Variants in CTNNA2 observed in about 807,000 individuals in gnomAD.
The protein encoded by CTNNA2 is catenin alpha-2.
A neutral mutation model predicts 101.0 loss-of-function variants in CTNNA2; 42 were observed. The ratio of observed to expected loss-of-function variants is 0.42; its 90% CI spans 0.32 to 0.54. The LOEUF (loss-of-function observed/expected upper bound fraction) is 0.54. CTNNA2 is among the 20% of genes least tolerant of loss of function. The pLI, the probability that CTNNA2 is intolerant of heterozygous loss-of-function variation, is 0.14. For synonymous variants in CTNNA2, 450 were observed against 456.4 expected, an observed-to-expected ratio of 0.99 and a Z score of 0.18; for missense variants, 871 against 1,223.1, an observed-to-expected ratio of 0.71 and a Z score of 4.29.
At chr2:79,757,040 T>A (rs745415930) in intron 3 of CTNNA2, among the ~76,000 whole-genome samples, 5 of 152,222 alleles carry the variant, frequency 3.3e-5, no homozygotes, top group Non-Finnish European at 7.3e-5. Context: ...AATTGCCTTA[T>A]AACTCAGTAA....
chr2:80,402,906 T>C (rs1678695108), intron 8 of CTNNA2, among the ~76,000 whole-genome samples: 2 of 151,598 alleles, frequency 1.3e-5, no homozygotes, highest in African/African-American at 4.8e-5. Flanking sequence ...CTGCTTCTTA[T>C]TGTAGGGCTT....
chr2:79,676,606 G>C (rs1416475364), intron 2 of CTNNA2, among the ~76,000 whole-genome samples: 4 of 152,092 alleles, frequency 2.6e-5, no homozygotes, highest in Non-Finnish European at 5.9e-5. Flanking sequence ...TGAATACTCT[G>C]TCCAGATGCC....
At chr2:80,469,943 T>G (rs1048078313) in intron 9 of CTNNA2, among the ~76,000 whole-genome samples, 6 of 152,176 alleles carry the variant, frequency 3.9e-5, no homozygotes, top group African/African-American at 1.4e-4. Context: ...AAGGTCCCAC[T>G]TTTTAGAATG....
intron 1 of CTNNA2, among the ~76,000 whole-genome samples, chr2:79,528,635 T>G: frequency 6.6e-6 from 1 of 152,284 alleles, no homozygotes; most frequent in Non-Finnish European, 1.5e-5. Context: ...ATTTGGAATG[T>G]AGAAATTACT....
At chr2:80,523,839 T>G (rs1689789744) in intron 9 of CTNNA2, among the ~76,000 whole-genome samples, 1 of 152,192 alleles carries the variant, frequency 6.6e-6, no homozygotes, top group Non-Finnish European at 1.5e-5. Flanking sequence ...TACAAATTCT[T>G]TACACTAATG....
intron 9 of CTNNA2, among the ~76,000 whole-genome samples, chr2:80,484,348 T>G (rs1573003685): frequency 6.6e-6 from 1 of 152,116 alleles, no homozygotes; most frequent in African/African-American, 2.4e-5. Context: ...CGATACATAG[T>G]GTGTGTGCAT....
At chr2:79,827,598 C>T (rs75202395) in intron 3 of CTNNA2, among the ~76,000 whole-genome samples, 2,152 of 152,278 alleles carry the variant, frequency 0.014, 34 homozygotes, top group East Asian at 0.04. Flanking sequence ...GAGACAGCTG[C>T]AGCCAGAAAT....
intron 7 of CTNNA2, among the ~76,000 whole-genome samples, chr2:80,117,845 A>G (rs964863683): frequency 6.6e-6 from 1 of 152,184 alleles, no homozygotes; most frequent in Non-Finnish European, 1.5e-5. Flanking sequence ...GTGTTTGACT[A>G]TTATCTTGCC....
At chr2:80,399,642 A>G (rs1413606885) in intron 8 of CTNNA2, among the ~76,000 whole-genome samples, 1 of 152,190 alleles carries the variant, frequency 6.6e-6, no homozygotes, top group African/African-American at 2.4e-5. Context: ...ATCAAGGAAA[A>G]GTGGGAAGGG....
At chr2:79,891,820 A>T (rs1034929608) in intron 6 of CTNNA2, among the ~76,000 whole-genome samples, 1 of 151,150 alleles carries the variant, frequency 6.6e-6, no homozygotes, top group Non-Finnish European at 1.5e-5. Context: ...ACAACCTGAA[A>T]ATATATATAT....
intron 4 of CTNNA2, among the ~76,000 whole-genome samples, chr2:79,487,755 C>G (rs1253853608): frequency 6.6e-6 from 1 of 152,062 alleles, no homozygotes; most frequent in Non-Finnish European, 1.5e-5. Flanking sequence ...GTGAGAACTA[C>G]CCAAATGAAC....
At chr2:79,247,738 C>G (rs1373814359) in intron 2 of CTNNA2, among the ~76,000 whole-genome samples, 1 of 152,038 alleles carries the variant, frequency 6.6e-6, no homozygotes, top group African/African-American at 2.4e-5. Flanking sequence ...CAGGTGGGCC[C>G]AAAGGTGAAG....
chr2:79,539,457 A>G (rs1673277264), intron 1 of CTNNA2, among the ~76,000 whole-genome samples: 1 of 152,178 alleles, frequency 6.6e-6, no homozygotes, highest in Non-Finnish European at 1.5e-5. Flanking sequence ...TTTTGACTGT[A>G]TGAGGCCCTT....
chr2:79,464,756 G>A (rs1670915780), intron 4 of CTNNA2, among the ~76,000 whole-genome samples: 2 of 151,992 alleles, frequency 1.3e-5, no homozygotes, highest in African/African-American at 2.4e-5. Flanking sequence ...ATTTTTTCAT[G>A]TGTCTTTTGG....
intron 7 of CTNNA2, among the ~76,000 whole-genome samples, chr2:80,351,050 T>A (rs1673241011): frequency 6.6e-6 from 1 of 152,204 alleles, no homozygotes. Context: ...TGATGAGCTC[T>A]AACAGTCACT....
At chr2:79,928,909 A>C (rs1687207716) in intron 7 of CTNNA2, among the ~76,000 whole-genome samples, 1 of 152,236 alleles carries the variant, frequency 6.6e-6, no homozygotes, top group Admixed American at 6.5e-5. Context: ...AATAGTTAAT[A>C]CTGACCTTGA....
chr2:79,288,386 A>G (rs1485032406), intron 2 of CTNNA2, among the ~76,000 whole-genome samples: 2 of 152,202 alleles, frequency 1.3e-5, no homozygotes, highest in African/African-American at 2.4e-5. Flanking sequence ...ATTGGAATCC[A>G]TCATGGGTCT....
At chr2:79,923,842 G>A (rs1250501536) in intron 7 of CTNNA2, among the ~76,000 whole-genome samples, 1 of 152,044 alleles carries the variant, frequency 6.6e-6, no homozygotes, top group African/African-American at 2.4e-5. Context: ...AGATTGTATA[G>A]TATTTGTCAT....
In CTNNA2 at chr2:80,271,714, G is replaced by A. The variant is rs979354626; in HGVS notation, c.1057-121497G>A. The stretch of plus-strand genomic sequence containing the variant: ...TGGGATTACAGGTGTGAGCCACCGT[G>A]CCCAGCCTATCCTCAGTCTTACTGT... On this transcript the variant is annotated intron_variant, in intron 7 of 18. Transcript: ENST00000402739. Among the ~76,000 whole-genome samples the A allele has an allele frequency of 7.2e-5, 11 of 152,098 alleles. No homozygotes were observed. In the South Asian group the frequency reaches 2.1e-3, roughly 29 times the overall value.
Sources: gnomAD v4.1 joint callset for allele counts (sites outside exome capture counted in the v4.1 genomes callset) on GRCh38, gnomAD v4.1.1 for gene constraint, MANE v1.5 for transcripts, NCBI Gene and HGNC (gene_info 2026-07-23, HGNC 2026-07-21) for gene names.